The following SPATA7 variants were observed in gnomAD, a reference collection of about 807,000 sequenced individuals.
SPATA7 encodes the protein spermatogenesis associated 7.
Under a neutral mutation model 51.8 loss-of-function variants are expected in SPATA7, and 43 were observed. The ratio of observed to expected loss-of-function variants is 0.83; its 90% CI spans 0.65 to 1.07. The LOEUF (loss-of-function observed/expected upper bound fraction) is 1.07, where lower values mean the gene tolerates loss of function less well. SPATA7 is among the 50% of genes least tolerant of loss of function. SPATA7 has a pLI of 0.00. For synonymous variants in SPATA7, 230 were observed against 252.8 expected (o/e 0.91, Z 0.86); for missense variants, 683 against 701.3 (o/e 0.97, Z 0.30).
In SPATA7 at chr14:88,385,665, C is replaced by T; in HGVS notation, c.-154C>T. 1 of 761,272 alleles carries T rather than the reference C, an allele frequency of 1.3e-6. No individual in the cohort carries two copies. The highest frequency in any genetic ancestry group is 2.3e-6 in the Non-Finnish European group (1 of 436,898). 47.2% of individuals were successfully genotyped at this position (761,272 alleles called of 1,614,324 possible). On this transcript the variant is annotated 5_prime_UTR_variant, in exon 1 of 12. Coordinates refer to ENST00000393545, the MANE Select transcript of SPATA7 (RefSeq NM_018418.5). ...CGTCACAATAGCGACTCACTGGACC[C>T]AGCCCTTAGCAACGGCCTGGCAACG...
At position 88,396,147 on chromosome 14, in the gene SPATA7, C is replaced by G. The variant is rs762732339; in HGVS notation, c.191-9C>G. On this transcript the variant is annotated splice_polypyrimidine_tract_variant and intron_variant, in intron 3 of 11. Transcript: ENST00000393545. ...ACAATATTATTAAACTATTACCTTT[C>G]TCTTTCAGCTGCAGTAGACTGCTCG... 3.1e-6 allele frequency: 5 copies of G among 1,604,676 alleles called. No individual in the cohort carries two copies. In the East Asian group the frequency reaches 6.7e-5, roughly 21 times the overall value.
chr14:88,442,770 C>G (rs1299756087), downstream of SPATA7, among the ~76,000 whole-genome samples: 2 of 151,730 alleles, frequency 1.3e-5, no homozygotes, highest in East Asian at 3.9e-4. Context: ...TATGTCCTTT[C>G]CTGGTTTTGG....
intron 3 of SPATA7, among the ~76,000 whole-genome samples, chr14:88,448,939 T>C (rs562512347): frequency 6.6e-6 from 1 of 152,232 alleles, no homozygotes; most frequent in Non-Finnish European, 1.5e-5. Flanking sequence ...ATTGAGTTTC[T>C]TTGGATCTTC....
rs530819320 is a variant in SPATA7 at position 88,434,881 on chromosome 14, A to G, written c.1160+1669A>G. Among the ~76,000 whole-genome samples the G allele has an allele frequency of 7.9e-5, 12 of 152,142 alleles. No individual in the cohort carries two copies. In the South Asian group the frequency reaches 2.1e-3, roughly 26 times the overall value. On this transcript the variant is annotated intron_variant, in intron 10 of 11. Transcript: ENST00000393545. ...TTGGGTTTTAATAAAAAATTGTGAA[A>G]TAATTCAGAACTACTAACTCTGAGG... is the stretch of plus-strand genomic sequence containing the variant.
chr14:88,465,205 G>A (rs1466046310), intron 4 of SPATA7, among the ~76,000 whole-genome samples: 3 of 152,246 alleles, frequency 2.0e-5, no homozygotes, highest in Non-Finnish European at 2.9e-5. Flanking sequence ...AGTGGCTCAC[G>A]CCTGTAATCC....
At chr14:88,446,025 CT>C (rs2140042001) in intron 3 of SPATA7, among the ~76,000 whole-genome samples, 1 of 152,294 alleles carries the variant, frequency 6.6e-6, no homozygotes, top group African/African-American at 2.4e-5. Flanking sequence ...AGGATTCCCT[CT>C]TTTTCTATGG....
chr14:88,392,319 A>G (rs1217747909), intron 2 of SPATA7, among the ~76,000 whole-genome samples: 1 of 152,192 alleles, frequency 6.6e-6, no homozygotes, highest in African/African-American at 2.4e-5. Flanking sequence ...TAGAGCTGGT[A>G]TAGGTATGGT....
rs960859257 is a variant in SPATA7, at chr14:88,385,738, C to T, written c.-81C>T. ...CGTCGGCTCCTCTTTTCCAGTCCTC[C>T]ACTGCCGGGGCTGGGCCCGGCCGCG... On this transcript the variant is annotated 5_prime_UTR_variant, in exon 1 of 12. Transcript: ENST00000393545. 1.4e-5 allele frequency: 19 copies of T among 1,387,954 alleles called. No homozygotes were observed. The highest frequency in any genetic ancestry group is 1.9e-4 in the Middle Eastern group (1 of 5,300). The allele number at this position is 1,387,954 out of a possible 1,614,324, so 86.0% of individuals were successfully genotyped here.
At chr14:88,402,971 A>AC (rs1429873085) in intron 4 of SPATA7, among the ~76,000 whole-genome samples, 3 of 140,692 alleles carry the variant, frequency 2.1e-5, no homozygotes, top group South Asian at 4.2e-4. Context: ...AAAAAAAAAA[A>AC]AAAAAAAAAA....
At chr14:88,406,845 G>A (rs945272843) in intron 4 of SPATA7, 2 of 152,126 alleles carry the variant, frequency 1.3e-5, no homozygotes, top group Non-Finnish European at 2.9e-5. Flanking sequence ...ACTTATGAGT[G>A]AGAACATGCA....
At chr14:88,408,372 A>G (rs983018853) in intron 4 of SPATA7, among the ~76,000 whole-genome samples, 13 of 152,162 alleles carry the variant, frequency 8.5e-5, no homozygotes, top group African/African-American at 3.1e-4. Flanking sequence ...CTTTGTAGCA[A>G]TTGTGAATGG....
chr14:88,386,083 C>A, intron 1 of SPATA7: 1 of 1,394,102 alleles, frequency 7.2e-7, no homozygotes, highest in South Asian at 1.5e-5. Flanking sequence ...GCCCCTGTCT[C>A]CTGAACTCAG....
At chr14:88,468,323 TG>T in intron 4 of SPATA7, 1 of 1,483,076 alleles carries the variant, frequency 6.7e-7, no homozygotes, top group East Asian at 2.3e-5. Flanking sequence ...ACAGAAAGGA[TG>T]GGAGGACACG....
Position 88,426,430 on chromosome 14 carries a change from C to T in SPATA7, c.571C>T (p.Arg191Trp), listed in dbSNP as rs768436771. Residue 191 changes from arginine to tryptophan, a missense_variant, in exon 6 of 12, where the codon CGG becomes TGG. Transcript: ENST00000393545. ...TGTGGATTATGCAGCCTCCGGGCCC[C>T]GGAAACTGAGCTCTGGAGCCCTGTA... is the stretch of plus-strand genomic sequence containing the variant. ...SSVDYAASGP[R>W]KLSSGALYGR... 34 of 1,614,038 alleles carry T rather than the reference C, an allele frequency of 2.1e-5. No individual in the cohort carries two copies. Among genetic ancestry groups the T allele is most frequent in the African/African-American group, 5.3e-5 (4 of 74,930 alleles).
chr14:88,433,682 G>T (rs1451126425), intron 10 of SPATA7, among the ~76,000 whole-genome samples: 1 of 152,138 alleles, frequency 6.6e-6, no homozygotes, highest in African/African-American at 2.4e-5. Flanking sequence ...CTATTGCATA[G>T]CTTAAGGAAA....
intron 4 of SPATA7, among the ~76,000 whole-genome samples, chr14:88,408,034 G>C (rs1000002955): frequency 1.3e-5 from 2 of 152,204 alleles, no homozygotes; most frequent in Admixed American, 1.3e-4. Flanking sequence ...TTTGAAGTCA[G>C]GTAGTGTGAT....
chr14:88,467,738 C>T (rs1170830267), intron 4 of SPATA7: 2 of 177,192 alleles, frequency 1.1e-5, no homozygotes, highest in African/African-American at 4.8e-5. Context: ...AAATATTTGT[C>T]ATAAAATAAA....
intron 3 of SPATA7, among the ~76,000 whole-genome samples, chr14:88,449,427 G>C (rs572509353): frequency 6.6e-6 from 1 of 152,156 alleles, no homozygotes; most frequent in East Asian, 1.9e-4. Context: ...ATTCTACTGT[G>C]GTCTGTGAGA....
chr14:88,428,650 C>T (rs938078485), intron 7 of SPATA7: 1 of 152,152 alleles, frequency 6.6e-6, no homozygotes, highest in African/African-American at 2.4e-5. Flanking sequence ...AAAGAGTTAG[C>T]TTTGCAGATA....
Sources: gnomAD v4.1 joint callset for allele counts (sites outside exome capture counted in the v4.1 genomes callset) on GRCh38, gnomAD v4.1.1 for gene constraint, MANE v1.5 for transcripts, NCBI Gene and HGNC (gene_info 2026-07-23, HGNC 2026-07-21) for gene names.